DROSHA: variants seen among roughly 807,000 people sequenced by gnomAD.
DROSHA encodes ribonuclease 3.
DROSHA carries 56 observed loss-of-function variants against 181.9 expected under a neutral mutation model. The ratio of observed to expected loss-of-function variants is 0.31; its 90% CI spans 0.25 to 0.38. The LOEUF (loss-of-function observed/expected upper bound fraction) is 0.38, where lower values mean the gene tolerates loss of function less well. Among genes scored for constraint, DROSHA ranks in the 10% least tolerant of loss-of-function variants. The probability of loss-of-function intolerance (pLI) is 1.00; values close to 1 mark genes in which losing one functional copy is unlikely to be tolerated. For missense variants in DROSHA, 1,218 were observed against 1,743.5 expected, an observed-to-expected ratio of 0.70 and a Z score of 5.37; for synonymous variants, 524 against 591.2, an observed-to-expected ratio of 0.89 and a Z score of 1.65.
At position 31,470,079 on chromosome 5, in the gene DROSHA, A is replaced by AAGG. The variant is rs1749558808; in HGVS notation, c.2241+1983_2241+1984insCCT. ...ATTCTCAAGATTTTTTTCCTCCTTT[A>AAGG]AGCATATCTTCAGATAAACAGTATA... On this transcript the variant is annotated intron_variant, in intron 17 of 35. Coordinates refer to ENST00000344624, the MANE Select transcript of DROSHA (RefSeq NM_001382508.1). This position sits in a 1 kb window ranked among gnomAD's most constrained non-coding sequence, Gnocchi z 4.0. Among the ~76,000 whole-genome samples the AAGG allele has an allele frequency of 6.6e-6, 1 of 151,966 alleles. No individual in the cohort carries two copies. The highest frequency in any genetic ancestry group is 1.9e-4 in the East Asian group (1 of 5,186).
chr5:31,431,476 A>G, intron 26 of DROSHA, 100 bp downstream of exon 26: 1 of 1,182,562 alleles, frequency 8.5e-7, no homozygotes, highest in Non-Finnish European at 1.2e-6. Context: ...TGCTTTGGGA[A>G]CAAGTAATTC....
chr5:31,464,793 T>C (rs889854447), intron 19 of DROSHA, among the ~76,000 whole-genome samples: 1 of 152,088 alleles, frequency 6.6e-6, no homozygotes, highest in African/African-American at 2.4e-5. Context: ...CTTGCTACAA[T>C]GGCATACTTT....
intron 14 of DROSHA, among the ~76,000 whole-genome samples, chr5:31,485,224 T>C (rs1220997679): frequency 1.3e-5 from 2 of 152,174 alleles, no homozygotes; most frequent in African/African-American, 2.4e-5. Context: ...AAAGTCTCAC[T>C]TATATTAATA....
At chr5:31,490,296 A>G (rs1580277131) in intron 13 of DROSHA, among the ~76,000 whole-genome samples, 1 of 150,926 alleles carries the variant, frequency 6.6e-6, no homozygotes, top group African/African-American at 2.4e-5. Context: ...ATCCTCCCGC[A>G]TTAGCTTCCA....
rs1479301371 is a variant in DROSHA, at chr5:31,400,574, T to C, written c.*858A>G. The C allele has an allele frequency of 1.3e-5, 2 of 152,260 alleles. No homozygotes were observed. Among genetic ancestry groups the C allele is most frequent in the African/African-American group, 2.4e-5 (1 of 41,470 alleles). 9.4% of individuals were successfully genotyped at this position (152,260 alleles called of 1,614,324 possible). A position where few individuals can be genotyped will look rare whatever the true frequency, so the allele number is the denominator to read the frequency against. On this transcript the variant is annotated 3_prime_UTR_variant, in exon 36 of 36. Coordinates refer to ENST00000344624, the MANE Select transcript of DROSHA (RefSeq NM_001382508.1). ...TGGAATAACTTTTTTTAAAATGTTA[T>C]GTCTTTGAATGTCATGTTAGCCTTT...
At chr5:31,496,169 G>C (rs1023432594) in intron 11 of DROSHA, among the ~76,000 whole-genome samples, 11 of 152,188 alleles carry the variant, frequency 7.2e-5, no homozygotes, top group African/African-American at 2.7e-4. Context: ...AGGCACAGTG[G>C]TTCATGCCTG....
At chr5:31,473,267 T>C (rs1749960941) in intron 16 of DROSHA, among the ~76,000 whole-genome samples, 1 of 152,230 alleles carries the variant, frequency 6.6e-6, no homozygotes, top group African/African-American at 2.4e-5. Context: ...TCTGGTGCAC[T>C]AAACAAGTTT....
rs1194642782 is a variant in DROSHA, at chr5:31,514,763, T to C, written c.1290+225A>G. Among the ~76,000 whole-genome samples, 2 of 152,216 alleles carry C rather than the reference T, an allele frequency of 1.3e-5. No homozygotes were observed. The highest frequency in any genetic ancestry group is 2.9e-5 in the Non-Finnish European group (2 of 68,046). On this transcript the variant is annotated intron_variant, in intron 8 of 35. Coordinates refer to ENST00000344624, the MANE Select transcript of DROSHA (RefSeq NM_001382508.1). This position sits in a 1 kb window ranked among gnomAD's most constrained non-coding sequence, Gnocchi z 4.4. The stretch of plus-strand genomic sequence containing the variant: ...AACAGTGATTCTCAACTGGGGGTGA[T>C]CTTTTCCCCCCAGGGGACATTTGGC...
At chr5:31,518,440 T>C (rs1165370043) in intron 6 of DROSHA, among the ~76,000 whole-genome samples, 1 of 152,264 alleles carries the variant, frequency 6.6e-6, no homozygotes, top group Non-Finnish European at 1.5e-5. Context: ...ATTGGTCCTA[T>C]GCATTACAAG....
chr5:31,407,620 G>T (rs181319013), intron 33 of DROSHA, among the ~76,000 whole-genome samples: 253 of 152,186 alleles, frequency 1.7e-3, no homozygotes, highest in African/African-American at 5.9e-3. Flanking sequence ...AAAGATAATG[G>T]AATGAACATA....
Position 31,521,178 on chromosome 5 carries a change from G to A in DROSHA, c.892C>T (p.Arg298Ter). The change falls in exon 6 of 36, where the codon CGA becomes TGA. Residue 298 changes from arginine (R) to a stop codon, truncating the protein, a stop_gained. Coordinates refer to ENST00000344624, the MANE Select transcript of DROSHA (RefSeq NM_001382508.1). LOFTEE classifies it high-confidence loss of function. ...GACCTTTCCAGAGATGGTGATCTTC[G>A]GTTGTCTCGATGCCTGTGTCTCTCC... Reference protein sequence around the residue: ...ERERHRHRDNRRSPSLERSYK... With the variant: ...ERERHRHRDN The A allele has an allele frequency of 3.1e-6, 5 of 1,613,492 alleles. No individual in the cohort carries two copies. The highest frequency in any genetic ancestry group is 1.3e-5 in the African/African-American group (1 of 74,952).
Position 31,435,858 on chromosome 5 carries a change from A to G in DROSHA, c.2949T>C (p.His983=), listed in dbSNP as rs1744720822. The G allele has an allele frequency of 6.2e-7, 1 of 1,611,682 alleles. No homozygotes were observed. Among genetic ancestry groups the G allele is most frequent in the Non-Finnish European group, 8.5e-7 (1 of 1,179,206 alleles). Residue 983 remains histidine, a synonymous_variant, in exon 25 of 36, where the codon CAT becomes CAC. Transcript: ENST00000344624. ...DAVVEFLTSV[H]LYYLFPSLEE... ...CCAGACTAGGAAACAAATAGTACAAATGGACGCTACAAAAAAAAAAAGAAG... is the reference window on the plus strand; with the variant it reads ...CCAGACTAGGAAACAAATAGTACAAGTGGACGCTACAAAAAAAAAAAGAAG...
intron 20 of DROSHA, among the ~76,000 whole-genome samples, chr5:31,455,252 A>AAAGATATAAGATGCATATATCTTATAAG (rs1281584887): frequency 2.6e-5 from 4 of 152,032 alleles, no homozygotes; most frequent in African/African-American, 9.7e-5. Context: ...GAGAAGCAAA[A>AAAGATATAAGATGCATATATCTTATAAG]AAGATATAAG....
chr5:31,425,317 T>C (rs937255504), intron 27 of DROSHA, among the ~76,000 whole-genome samples: 2 of 152,210 alleles, frequency 1.3e-5, no homozygotes, highest in African/African-American at 4.8e-5. Context: ...GATATCTTAA[T>C]AAAATACACT....
intron 27 of DROSHA, among the ~76,000 whole-genome samples, chr5:31,426,669 C>G (rs896545476): frequency 1.3e-5 from 2 of 151,868 alleles, no homozygotes; most frequent in African/African-American, 4.8e-5. Context: ...AAGGTGATTC[C>G]TAGTGAATGG....
intron 13 of DROSHA, chr5:31,488,874 CATTCTG>C (rs1291496828): frequency 6.6e-6 from 1 of 152,114 alleles, no homozygotes; most frequent in Non-Finnish European, 1.5e-5. Flanking sequence ...ATACAGTGAC[CATTCTG>C]ATGTGGGAGG....
Position 31,515,478 on chromosome 5 carries a change from G to T in DROSHA, c.1034C>A (p.Ala345Asp), listed in dbSNP as rs1485493001. Residue 345 changes from alanine to aspartate, a missense_variant, in exon 7 of 36, where the codon GCC (alanine) becomes GAC (aspartate). By Grantham distance (126) the Ala-to-Asp change is moderately radical. Around this residue, in one of 8 missense-constraint regions of DROSHA, gnomAD observed 536 missense variants for 535.4 expected, o/e 1.00. Coordinates refer to ENST00000344624, the MANE Select transcript of DROSHA (RefSeq NM_001382508.1). ...CTGATTCACAATCTCCAGGGGTGGG[G>T]CCCAAGAATCTGTATTTTTAATAAT... The part of the protein sequence containing the change: ...GEIIKNTDSW[A>D]PPLEIVNHRS... 7.0e-6 allele frequency: 10 copies of T among 1,431,860 alleles called. No individual in the cohort carries two copies. Among genetic ancestry groups the T allele is most frequent in the Middle Eastern group, 1.7e-4 (1 of 5,768 alleles). 88.7% of individuals were successfully genotyped at this position (1,431,860 alleles called of 1,614,324 possible). A position where few individuals can be genotyped will look rare whatever the true frequency, so the allele number is the denominator to read the frequency against.
At chr5:31,413,781 G>A (rs1252389626) in intron 30 of DROSHA, among the ~76,000 whole-genome samples, 1 of 152,182 alleles carries the variant, frequency 6.6e-6, no homozygotes, top group Non-Finnish European at 1.5e-5. Flanking sequence ...CCTGGAGGAG[G>A]GCTGACATTT....
chr5:31,433,690 G>A (rs918756987), intron 25 of DROSHA, among the ~76,000 whole-genome samples: 9 of 152,012 alleles, frequency 5.9e-5, no homozygotes, highest in Non-Finnish European at 1.0e-4. Flanking sequence ...GACTACAGGC[G>A]CCTGCCACCA....
Sources: allele counts gnomAD v4.1 joint callset (sites outside exome capture counted in the v4.1 genomes callset), GRCh38; gene constraint gnomAD v4.1.1; regional missense constraint gnomAD v4.1.1; non-coding constraint Gnocchi (gnomAD v3.1); transcripts MANE v1.5; gene names NCBI Gene and HGNC (gene_info 2026-07-23, HGNC 2026-07-21).